The following PANK1 variants were observed in gnomAD, a reference collection of about 807,000 sequenced individuals.
The protein encoded by PANK1 is pantothenate kinase 1, also known as pantothenic acid kinase 1.
In PANK1, 18 loss-of-function variants were observed where a neutral mutation model predicts 40.1. The observed-to-expected ratio is 0.45, with a 90% CI of 0.31 to 0.67. The LOEUF (loss-of-function observed/expected upper bound fraction) is 0.67, where lower values mean the gene tolerates loss of function less well. Among genes scored for constraint, PANK1 ranks in the 30% least tolerant of loss-of-function variants. The pLI is 0.06. For missense variants in PANK1, 457 were observed against 599.6 expected, an observed-to-expected ratio of 0.76 and a Z score of 2.48; for synonymous variants, 242 against 237.7, an observed-to-expected ratio of 1.02 and a Z score of -0.17.
intron 1 of PANK1, among the ~76,000 whole-genome samples, chr10:89,642,844 G>A (rs1254497278): frequency 2.0e-5 from 3 of 152,076 alleles, no homozygotes; most frequent in African/African-American, 4.8e-5. Context: ...CAATTTTGAC[G>A]AACCGTTTTT....
intron 6 of PANK1, 134 bp from the exon 7 acceptor site, chr10:89,584,599 G>T: frequency 1.6e-6 from 1 of 607,964 alleles, no homozygotes; most frequent in Non-Finnish European, 3.0e-6. Context: ...AAACATGGCA[G>T]AATAATAACA....
chr10:89,637,930 GTTTTT>G (rs56753931), intron 1 of PANK1, among the ~76,000 whole-genome samples: 1 of 149,564 alleles, frequency 6.7e-6, no homozygotes, highest in Non-Finnish European at 1.5e-5. Context: ...AAATTTTTTA[GTTTTT>G]TTTTTTACTT....
rs141349233 is a variant in PANK1, at chr10:89,611,879, G to C, written c.462C>G (p.Val154=). ...TGGTCAGGTTTTTCAGTTCCAGGTG[G>C]ACGTCTCGGATCCCAGTTTTCCCAT... ...TAYGKTGIRD[V]HLELKNLTMC... The change falls in exon 2 of 7, where the codon GTC becomes GTG. Residue 154 remains valine, a synonymous_variant. Coordinates refer to ENST00000307534, the MANE Select transcript of PANK1 (RefSeq NM_148977.3). 31 of 1,614,066 alleles carry C rather than the reference G, an allele frequency of 1.9e-5. No homozygotes were observed. Among genetic ancestry groups the C allele is most frequent in the African/African-American group, 2.7e-5 (2 of 74,912 alleles).
At chr10:89,618,046 T>C (rs534055774) in intron 1 of PANK1, among the ~76,000 whole-genome samples, 7 of 152,244 alleles carry the variant, frequency 4.6e-5, no homozygotes, top group Admixed American at 6.5e-5. Flanking sequence ...GAGAGTCTAC[T>C]AGGAAATAAA....
At chr10:89,599,118 G>A in intron 3 of PANK1, 134 bp downstream of exon 3, 1 of 745,314 alleles carries the variant, frequency 1.3e-6, no homozygotes, top group Non-Finnish European at 2.2e-6. Flanking sequence ...CACACCATTT[G>A]ATAAATTCTT....
chr10:89,627,309 T>C (rs1212301329), intron 1 of PANK1, among the ~76,000 whole-genome samples: 2 of 152,044 alleles, frequency 1.3e-5, no homozygotes, highest in East Asian at 3.8e-4. Context: ...AAAGAATCCA[T>C]GTGAATAAAG....
chr10:89,620,126 A>C (rs557624227), intron 1 of PANK1, among the ~76,000 whole-genome samples: 1 of 152,340 alleles, frequency 6.6e-6, no homozygotes, highest in African/African-American at 2.4e-5. Context: ...ATATCCCCTC[A>C]GGACCCTGTG....
rs528521788 is a variant in PANK1, at chr10:89,583,633, G to A, written c.*773C>T. On this transcript the variant is annotated 3_prime_UTR_variant, in exon 7 of 7. Coordinates refer to ENST00000307534, the MANE Select transcript of PANK1 (RefSeq NM_148977.3). Reference sequence around the variant, plus strand: ...CCAATGAAACACTACATTTATAAGCGATAGGACAAACTTGCATATAATTTG... The same window carrying A: ...CCAATGAAACACTACATTTATAAGCAATAGGACAAACTTGCATATAATTTG... 13 of 152,152 alleles carry A rather than the reference G, an allele frequency of 8.5e-5. No individual in the cohort carries two copies. The highest frequency in any genetic ancestry group is 1.6e-4 in the Non-Finnish European group (11 of 68,018). 9.4% of individuals were successfully genotyped at this position (152,152 alleles called of 1,614,324 possible).
intron 1 of PANK1, among the ~76,000 whole-genome samples, chr10:89,622,961 A>T (rs1845539924): frequency 6.6e-6 from 1 of 152,266 alleles, no homozygotes; most frequent in Non-Finnish European, 1.5e-5. Context: ...AAGTGATTTA[A>T]TTTAACCATT....
rs771729444 is a variant in PANK1 at position 89,593,254 on chromosome 10, T to C, written c.1143A>G (p.Thr381=). 2 of 1,613,784 alleles carry C rather than the reference T, an allele frequency of 1.2e-6. No homozygotes were observed. Among genetic ancestry groups the C allele is most frequent in the South Asian group, 1.1e-5 (1 of 91,074 alleles). The change falls in exon 5 of 7, where the codon ACA becomes ACG. Residue 381 remains threonine (T), a synonymous_variant. Coordinates refer to ENST00000307534, the MANE Select transcript of PANK1 (RefSeq NM_148977.3). Reference sequence around the variant, plus strand: ...CAATGTTGTTGGTGATGGTGACCAATGTGGCCCGGGCGAGGTCTTCCTTGC... The same window carrying C: ...CAATGTTGTTGGTGATGGTGACCAACGTGGCCCGGGCGAGGTCTTCCTTGC... ...SISKEDLARA[T]LVTITNNIGS... is the part of the protein sequence containing the mutation.
chr10:89,586,414 G>C (rs927832425), intron 6 of PANK1, among the ~76,000 whole-genome samples: 1 of 152,058 alleles, frequency 6.6e-6, no homozygotes, highest in Non-Finnish European at 1.5e-5. Context: ...GTAGGGAGTG[G>C]AGGTTCTGGG....
At chr10:89,618,982 C>A (rs1457867180) in intron 1 of PANK1, among the ~76,000 whole-genome samples, 2 of 152,114 alleles carry the variant, frequency 1.3e-5, no homozygotes, top group Admixed American at 6.6e-5. Context: ...ACTAATATAC[C>A]CCTAAATCAA....
rs759264798 is a variant in PANK1, at chr10:89,611,850, C to T, written c.491G>A (p.Cys164Tyr). The T allele has an allele frequency of 2.4e-5, 39 of 1,614,106 alleles. No homozygotes were observed. Among genetic ancestry groups the T allele is most frequent in the Non-Finnish European group, 3.3e-5 (39 of 1,180,048 alleles). The stretch of plus-strand genomic sequence containing the variant: ...GAAGTGCAGGTTCCCTTTGCGTCCA[C>T]ACATGGTCAGGTTTTTCAGTTCCAG... ...VHLELKNLTM[C>Y]GRKGNLHFIR... is the part of the protein sequence containing the mutation. Residue 164 changes from cysteine (C) to tyrosine (Y), a missense_variant, in exon 2 of 7, where the codon TGT becomes TAT. Around this residue, in one of 4 missense-constraint regions of PANK1, gnomAD observed 286 missense variants for 415.8 expected, o/e 0.69. Coordinates refer to ENST00000307534, the MANE Select transcript of PANK1 (RefSeq NM_148977.3).
chr10:89,602,498 T>C (rs560485094), intron 2 of PANK1, among the ~76,000 whole-genome samples: 7 of 106,000 alleles, frequency 6.6e-5, no homozygotes, highest in Non-Finnish European at 1.1e-4. Context: ...CAGTGAGTCA[T>C]ACTGCTACTT....
intron 3 of PANK1, among the ~76,000 whole-genome samples, chr10:89,595,828 AAAAAAATATATATATATATAT>A (rs1411114443): frequency 3.0e-5 from 2 of 67,142 alleles, no homozygotes; most frequent in Admixed American, 2.1e-4. Flanking sequence ...AAAAAAAAAA[AAAAAAATATATATATATATAT>A]ATATATATAT....
At chr10:89,624,209 C>T (rs1028357594) in intron 1 of PANK1, among the ~76,000 whole-genome samples, 6 of 152,172 alleles carry the variant, frequency 3.9e-5, no homozygotes, top group African/African-American at 1.4e-4. Context: ...ATTTCATCAC[C>T]TCTGCTGCTC....
At chr10:89,593,539 T>A (rs932461296) in intron 4 of PANK1, among the ~76,000 whole-genome samples, 1 of 151,578 alleles carries the variant, frequency 6.6e-6, no homozygotes, top group African/African-American at 2.4e-5. Flanking sequence ...GGGGGGAAAA[T>A]TAATGCCTCT....
At chr10:89,640,655 CATG>C (rs1315508848) in intron 1 of PANK1, among the ~76,000 whole-genome samples, 2 of 152,176 alleles carry the variant, frequency 1.3e-5, no homozygotes, top group African/African-American at 4.8e-5. Flanking sequence ...GATTAATTTT[CATG>C]ATAATTGGCT....
At chr10:89,631,427 T>G (rs1029259622) in intron 1 of PANK1, among the ~76,000 whole-genome samples, 1 of 152,218 alleles carries the variant, frequency 6.6e-6, no homozygotes, top group Admixed American at 6.5e-5. Context: ...ACACCCCTTC[T>G]TTAAACCCTT....
Sources: allele counts gnomAD v4.1 joint callset (sites outside exome capture counted in the v4.1 genomes callset), GRCh38; gene constraint gnomAD v4.1.1; regional missense constraint gnomAD v4.1.1; transcripts MANE v1.5; gene names NCBI Gene and HGNC (gene_info 2026-07-23, HGNC 2026-07-21).